C20orf173: variants seen among roughly 807,000 people sequenced by gnomAD.
The protein encoded by C20orf173 is uncharacterized protein C20orf173.
Under a neutral mutation model 26.7 loss-of-function variants are expected in C20orf173, and 22 were observed. That is an observed-to-expected ratio of 0.82 (90% CI 0.59 to 1.18). The LOEUF (loss-of-function observed/expected upper bound fraction) is 1.18. Ranked by LOEUF, C20orf173 falls within the 50% of genes most tolerant of loss-of-function variation. C20orf173 has a pLI of 0.00. For synonymous variants in C20orf173, 85 were observed against 96.4 expected, an observed-to-expected ratio of 0.88 and a Z score of 0.69; for missense variants, 210 against 250.3, an observed-to-expected ratio of 0.84 and a Z score of 1.09.
intron 3 of C20orf173, 59 bp downstream of exon 3, chr20:35,528,642 C>A (rs1184293618): frequency 1.4e-5 from 21 of 1,541,734 alleles, no homozygotes; most frequent in Middle Eastern, 1.7e-4. Context: ...GGAGCAGAAA[C>A]TGATGGAACT....
chr20:35,528,056 G>A (rs952617809), intron 5 of C20orf173, among the ~76,000 whole-genome samples, 177 bp downstream of exon 5: 3 of 152,112 alleles, frequency 2.0e-5, no homozygotes, highest in African/African-American at 4.8e-5. Flanking sequence ...CTTTCCTGCC[G>A]GGGCACAGTT....
downstream of C20orf173, among the ~76,000 whole-genome samples, chr20:35,521,752 G>T (rs1301458990): frequency 2.6e-5 from 4 of 152,062 alleles, no homozygotes; most frequent in Non-Finnish European, 5.9e-5. Flanking sequence ...AGGATTACAG[G>T]CATGCGCCAC....
rs1193785092 is a variant in C20orf173 at position 35,529,217 on chromosome 20, TC to T, written c.156del (p.Lys53SerfsTer35). On this transcript the variant is annotated frameshift_variant, in exon 2 of 6. Coordinates refer to ENST00000444723, the MANE Select transcript of C20orf173 (RefSeq NM_001145350.2). LOFTEE classifies it high-confidence loss of function. ...AGGGTCTCAGAAGGGCAGCCACACTTCCCGGAACTGAACCAAGGGCAGTCGC... is the reference window on the plus strand; with the variant it reads ...AGGGTCTCAGAAGGGCAGCCACACTTCCGGAACTGAACCAAGGGCAGTCGC... Reference protein sequence around the residue: ...QHCDCPWFSSGKCGCPSETLN... With the variant: ...QHCDCPWFSSXKCGCPSETLN... 6.4e-7 allele frequency: 1 copy of T among 1,551,672 alleles called. No individual in the cohort carries two copies. The highest frequency in any genetic ancestry group is 8.7e-7 in the Non-Finnish European group (1 of 1,146,994).
chr20:35,525,033 T>C (rs2064495589), downstream of C20orf173, among the ~76,000 whole-genome samples: 1 of 151,448 alleles, frequency 6.6e-6, no homozygotes, highest in Non-Finnish European at 1.5e-5. Context: ...AAAGGGTGTG[T>C]AGGAGATAAA....
intron 2 of C20orf173, 23 bp from the exon 3 acceptor site, chr20:35,528,902 TG>T (rs764589261): frequency 3.9e-6 from 6 of 1,550,888 alleles, no homozygotes; most frequent in Non-Finnish European, 4.4e-6. Flanking sequence ...AGAGGGAGAT[TG>T]GGGGCTGGGC....
downstream of C20orf173, among the ~76,000 whole-genome samples, chr20:35,525,336 G>A (rs899404050): frequency 1.3e-5 from 2 of 152,070 alleles, no homozygotes; most frequent in African/African-American, 4.8e-5. Context: ...CAGGTCACTT[G>A]AGGCCAGGAG....
chr20:35,526,935 G>C (rs1405510965), downstream of C20orf173: 2 of 152,266 alleles, frequency 1.3e-5, no homozygotes, highest in East Asian at 3.8e-4. Context: ...AGATCTGGAA[G>C]GCACCTCTGG....
downstream of C20orf173, among the ~76,000 whole-genome samples, chr20:35,525,732 A>T (rs1431414448): frequency 6.6e-6 from 1 of 152,176 alleles, no homozygotes; most frequent in African/African-American, 2.4e-5. Flanking sequence ...AGCAAACTGT[A>T]TTGAAGCAGC....
At chr20:35,528,641 A>G in intron 3 of C20orf173, 60 bp downstream of exon 3, 1 of 1,541,852 alleles carries the variant, frequency 6.5e-7, no homozygotes, top group Non-Finnish European at 8.8e-7. Context: ...GGGAGCAGAA[A>G]CTGATGGAAC....
intron 5 of C20orf173, among the ~76,000 whole-genome samples, chr20:35,527,625 C>CTTT (rs797025506): frequency 6.7e-6 from 1 of 148,392 alleles, no homozygotes; most frequent in African/African-American, 2.5e-5. Context: ...CATGTATAGT[C>CTTT]TTTTTTTTTT....
chr20:35,529,406 C>T lies in C20orf173; in HGVS notation c.-33G>A, dbSNP rs1268937700. On this transcript the variant is annotated 5_prime_UTR_variant, in exon 2 of 6. Coordinates refer to ENST00000444723, the MANE Select transcript of C20orf173 (RefSeq NM_001145350.2). ...CCAGGCGGTGGCTCCCGTGGTGGGC[C>T]GTAGACTGGCTTCTCTACCTGTAAG... The T allele has an allele frequency of 7.3e-6, 11 of 1,497,208 alleles. No homozygotes were observed. Among genetic ancestry groups the T allele is most frequent in the South Asian group, 6.6e-5 (5 of 76,108 alleles). The allele number at this position is 1,497,208 out of a possible 1,614,324, so 92.7% of individuals were successfully genotyped here.
rs764701127 is a variant in C20orf173 at position 35,528,877 on chromosome 20, G to C, written c.312C>G (p.Gly104=). 5.3e-5 allele frequency: 83 copies of C among 1,551,506 alleles called. 1 individual carries two copies. In the Middle Eastern group the frequency reaches 1.2e-3, roughly 22 times the overall value. ...TCCCAAGCTCGCTCCCTGAGTTCAT[G>C]CCCTGGAAACAGCAAGAGGGAGATT... The part of the protein sequence containing the change: ...MTSDTVLWWL[G]MNSGSELGKL... The change falls in exon 3 of 6, where the codon GGC becomes GGG. Residue 104 remains glycine, a splice_region_variant and synonymous_variant. Coordinates refer to ENST00000444723, the MANE Select transcript of C20orf173 (RefSeq NM_001145350.2).
rs899450025 is a variant in C20orf173 at position 35,527,035 on chromosome 20, C to T, written c.*241G>A. 2.0e-5 allele frequency: 3 copies of T among 152,154 alleles called. No individual in the cohort carries two copies. The highest frequency in any genetic ancestry group is 4.4e-5 in the Non-Finnish European group (3 of 68,050). 9.4% of individuals were successfully genotyped at this position (152,154 alleles called of 1,614,324 possible). A position where few individuals can be genotyped will look rare whatever the true frequency, so the allele number is the denominator to read the frequency against. ...GACTGATCTTACAATTTCCTCCTGC[C>T]CTTTACCCACCCAGAAATAGGATTT... On this transcript the variant is annotated 3_prime_UTR_variant, in exon 6 of 6. Transcript: ENST00000444723.
At chr20:35,527,886 C>T (rs893263699) in intron 5 of C20orf173, among the ~76,000 whole-genome samples, 1 of 152,168 alleles carries the variant, frequency 6.6e-6, no homozygotes, top group African/African-American at 2.4e-5. Context: ...AACTCCTGAC[C>T]TCATGATCCA....
rs2064517664 is a variant in C20orf173 at position 35,528,223 on chromosome 20, T to C, written c.*25+10A>G. 1.4e-5 allele frequency: 21 copies of C among 1,550,962 alleles called. No individual in the cohort carries two copies. Among genetic ancestry groups the C allele is most frequent in the African/African-American group, 1.2e-4 (9 of 72,970 alleles). ...AGCCACATCCTACCCCTTTTCCTAT[T>C]CCCCCTCACCGTGTCTTTGCTATCT... On this transcript the variant is annotated intron_variant, in intron 5 of 5. Coordinates refer to ENST00000444723, the MANE Select transcript of C20orf173 (RefSeq NM_001145350.2).
At chr20:35,528,995 C>A (rs957040647) in intron 2 of C20orf173, 70 bp downstream of exon 2, 2 of 1,533,888 alleles carry the variant, frequency 1.3e-6, no homozygotes, top group Admixed American at 2.0e-5. Context: ...GGGATTTGGG[C>A]GGAAAGTGGG....
downstream of C20orf173, chr20:35,522,075 G>A (rs1328387930): frequency 6.6e-6 from 1 of 152,642 alleles, no homozygotes; most frequent in South Asian, 2.1e-4. Flanking sequence ...AGGAAGTAGA[G>A]GCTGATCACC....
intron 5 of C20orf173, 48 bp from the exon 6 acceptor site, chr20:35,527,298 C>G (rs921825127): frequency 1.3e-5 from 2 of 152,016 alleles, no homozygotes; most frequent in Non-Finnish European, 2.9e-5. Context: ...GACTCCTGTC[C>G]TCACCCCTGC....
chr20:35,528,462 G>A lies in C20orf173; in HGVS notation c.571C>T (p.Leu191=). The A allele has an allele frequency of 6.4e-7, 1 of 1,551,644 alleles. No homozygotes were observed. The highest frequency in any genetic ancestry group is 8.7e-7 in the Non-Finnish European group (1 of 1,146,962). Residue 191 remains leucine (L), a synonymous_variant, in exon 4 of 6, where the codon CTA becomes TTA. Transcript: ENST00000444723. ...GACACCTCCATCACCTTATCACTTA[G>A]AGCATCTGAAGTCCACACCAGGTCA... ...LSDLVWTSDA[L]SDKILEDGLV...
Sources: allele counts gnomAD v4.1 joint callset (sites outside exome capture counted in the v4.1 genomes callset), GRCh38; gene constraint gnomAD v4.1.1; transcripts MANE v1.5; gene names NCBI Gene and HGNC (gene_info 2026-07-23, HGNC 2026-07-21).